CADM1: variants seen among roughly 807,000 people sequenced by gnomAD.
The protein encoded by CADM1 is TSLC-1.
A neutral mutation model predicts 53.1 loss-of-function variants in CADM1; 15 were observed. That is an observed-to-expected ratio of 0.28 (90% confidence interval 0.19 to 0.44). The LOEUF is 0.44. CADM1 is among the 20% of genes least tolerant of loss of function. The pLI, the probability that CADM1 is intolerant of heterozygous loss-of-function variation, is 1.00. For synonymous variants in CADM1, 281 were observed against 243.0 expected (o/e 1.16, Z -1.45); for missense variants, 434 against 611.3 (o/e 0.71, Z 3.06).
intron 1 of CADM1, among the ~76,000 whole-genome samples, chr11:115,277,340 G>C (rs560812226): frequency 6.6e-6 from 1 of 151,974 alleles, no homozygotes; most frequent in Non-Finnish European, 1.5e-5. Flanking sequence ...TAAAGAGTAG[G>C]GTATGCTTTC....
chr11:115,285,304 T>C (rs969256066), intron 1 of CADM1, among the ~76,000 whole-genome samples: 9 of 152,234 alleles, frequency 5.9e-5, no homozygotes, highest in Admixed American at 1.3e-4. Context: ...GAAAAACTAA[T>C]ATAGCTCATA....
intron 1 of CADM1, among the ~76,000 whole-genome samples, chr11:115,389,236 A>G (rs1184545266): frequency 1.3e-5 from 2 of 152,316 alleles, no homozygotes; most frequent in East Asian, 3.9e-4. Context: ...ACGGGTATAC[A>G]TTGTACTATT....
At chr11:115,347,334 T>C (rs1945606880) in intron 1 of CADM1, among the ~76,000 whole-genome samples, 1 of 152,132 alleles carries the variant, frequency 6.6e-6, no homozygotes, top group Non-Finnish European at 1.5e-5. Context: ...GAGACTGACA[T>C]AAAGCTGAGA....
chr11:115,446,358 C>T (rs1253187071), intron 1 of CADM1, among the ~76,000 whole-genome samples: 1 of 152,174 alleles, frequency 6.6e-6, no homozygotes, highest in Non-Finnish European at 1.5e-5. Flanking sequence ...AGTCCACAGT[C>T]ACATTCTCAC....
In CADM1 at chr11:115,446,175, G is replaced by C. The variant is rs1948446573; in HGVS notation, c.124+58096C>G. Among the ~76,000 whole-genome samples, 3 of 149,036 alleles carry C rather than the reference G, an allele frequency of 2.0e-5. No homozygotes were observed. In the South Asian group the frequency reaches 6.3e-4, roughly 31 times the overall value. ...TACTATGTGCTAGCAAGTGTACAAA[G>C]TGCTTTACATATTATTATCATTTTC... is the stretch of plus-strand genomic sequence containing the variant. On this transcript the variant is annotated intron_variant, in intron 1 of 11. Coordinates refer to ENST00000331581, the MANE Select transcript of CADM1 (RefSeq NM_001301043.2).
At chr11:115,201,423 C>T (rs760899384) in intron 8 of CADM1, among the ~76,000 whole-genome samples, 3 of 152,142 alleles carry the variant, frequency 2.0e-5, no homozygotes, top group Non-Finnish European at 4.4e-5. Flanking sequence ...TTCATAATTG[C>T]GTTATGACTT....
intron 9 of CADM1, among the ~76,000 whole-genome samples, chr11:115,192,409 T>G (rs931130827): frequency 6.6e-6 from 1 of 152,240 alleles, no homozygotes; most frequent in African/African-American, 2.4e-5. Flanking sequence ...CAATCAATTA[T>G]AGAGGCAACT....
chr11:115,348,078 T>C (rs541005989), intron 1 of CADM1, among the ~76,000 whole-genome samples: 114 of 152,304 alleles, frequency 7.5e-4, no homozygotes, highest in Non-Finnish European at 1.5e-3. Context: ...TATTATTAAG[T>C]TCTAAGTACC....
chr11:115,441,937 G>A (rs1446491520), intron 1 of CADM1, among the ~76,000 whole-genome samples: 2 of 152,068 alleles, frequency 1.3e-5, no homozygotes, highest in Non-Finnish European at 1.5e-5. Flanking sequence ...ATTCAATAAT[G>A]TATATTATTG....
intron 1 of CADM1, among the ~76,000 whole-genome samples, chr11:115,244,636 G>A (rs191000438): frequency 1.2e-4 from 19 of 152,250 alleles, no homozygotes; most frequent in African/African-American, 1.7e-4. Flanking sequence ...GCTTGAACCC[G>A]GTTCTATCAG....
At chr11:115,367,980 T>G (rs747359110) in intron 1 of CADM1, among the ~76,000 whole-genome samples, 6 of 152,016 alleles carry the variant, frequency 3.9e-5, no homozygotes, top group Non-Finnish European at 7.4e-5. Flanking sequence ...TTCATTTAGT[T>G]GTAGGCACAT....
At chr11:115,360,019 T>C (rs1945985438) in intron 1 of CADM1, among the ~76,000 whole-genome samples, 2 of 152,200 alleles carry the variant, frequency 1.3e-5, no homozygotes, top group Non-Finnish European at 2.9e-5. Flanking sequence ...ATTGTTCACC[T>C]ACTATGTGCC....
Position 115,466,183 on chromosome 11 carries a change from G to C in CADM1, c.124+38088C>G, listed in dbSNP as rs145281932. On this transcript the variant is annotated intron_variant, in intron 1 of 11. Coordinates refer to ENST00000331581, the MANE Select transcript of CADM1 (RefSeq NM_001301043.2). ...CAAAACTGCAATGACTTGTAGCATCGTAAGTCTGCAACAGTTCCTGTCCAC... is the reference window on the plus strand; with the variant it reads ...CAAAACTGCAATGACTTGTAGCATCCTAAGTCTGCAACAGTTCCTGTCCAC... Among the ~76,000 whole-genome samples, 15 of 152,186 alleles carry C rather than the reference G, an allele frequency of 9.9e-5. No homozygotes were observed. The East Asian group carries it at 2.9e-3, about 29-fold the overall frequency.
chr11:115,437,547 T>C (rs1948211396), intron 1 of CADM1, among the ~76,000 whole-genome samples: 2 of 152,168 alleles, frequency 1.3e-5, no homozygotes, highest in African/African-American at 4.8e-5. Flanking sequence ...CAAAAGACAT[T>C]AGGTAACCAA....
At position 115,175,370 on chromosome 11, in the gene CADM1, C is replaced by T; in HGVS notation, c.*1104G>A. 1 of 641,332 alleles carries T rather than the reference C, an allele frequency of 1.6e-6. No individual in the cohort carries two copies. Among genetic ancestry groups the T allele is most frequent in the Non-Finnish European group, 1.8e-6 (1 of 549,876 alleles). The allele number at this position is 641,332 out of a possible 1,614,324, so 39.7% of individuals were successfully genotyped here. On this transcript the variant is annotated 3_prime_UTR_variant, in exon 12 of 12. Coordinates refer to ENST00000331581, the MANE Select transcript of CADM1 (RefSeq NM_001301043.2). ...ATCCTACTGCCTTCCTAACTAAGCA[C>T]AAAGGAAAAAAAAAAAAAAATCAAC...
At chr11:115,374,736 A>G (rs1946396447) in intron 1 of CADM1, among the ~76,000 whole-genome samples, 1 of 152,212 alleles carries the variant, frequency 6.6e-6, no homozygotes, top group African/African-American at 2.4e-5. Flanking sequence ...AACATGTTAA[A>G]CAACATCAGG....
At chr11:115,304,890 C>CT (rs1944323906) in intron 1 of CADM1, among the ~76,000 whole-genome samples, 1 of 151,968 alleles carries the variant, frequency 6.6e-6, no homozygotes, top group African/African-American at 2.4e-5. Context: ...AGGTCACTGC[C>CT]TTTTTGCTTA....
intron 3 of CADM1, among the ~76,000 whole-genome samples, chr11:115,238,005 A>G (rs564982283): frequency 6.6e-6 from 1 of 152,330 alleles, no homozygotes; most frequent in South Asian, 2.1e-4. Context: ...TTTTTACAGC[A>G]TAATCTAGAG....
At chr11:115,211,620 C>T (rs1457344664) in intron 7 of CADM1, among the ~76,000 whole-genome samples, 1 of 150,918 alleles carries the variant, frequency 6.6e-6, no homozygotes, top group Non-Finnish European at 1.5e-5. Flanking sequence ...GCTGGGACTA[C>T]AGGCATGCGC....
Sources: allele counts gnomAD v4.1 joint callset (sites outside exome capture counted in the v4.1 genomes callset), GRCh38; gene constraint gnomAD v4.1.1; transcripts MANE v1.5; gene names NCBI Gene and HGNC (gene_info 2026-07-23, HGNC 2026-07-21).